The following OR9K2 variants were observed in gnomAD, a reference collection of about 807,000 sequenced individuals.
OR9K2 encodes olfactory receptor family 9 subfamily K member 2, also known as olfactory receptor 9K2.
OR9K2 carries 16 observed loss-of-function variants against 12.4 expected under a neutral mutation model. The observed-to-expected ratio is 1.29, with a 90% CI of 0.87 to 1.95. OR9K2 has a LOEUF of 1.95. Among genes scored for constraint, OR9K2 ranks in the 30% most tolerant of loss-of-function variants. The pLI is 0.00. For synonymous variants in OR9K2, 133 were observed against 133.2 expected, an observed-to-expected ratio of 1.00 and a Z score of 0.01; for missense variants, 434 against 376.5, an observed-to-expected ratio of 1.15 and a Z score of -1.26.
rs538175914 is a variant in OR9K2 at position 55,127,566 on chromosome 12, CTT to C, written c.-10+656_-10+657del. 1.7e-3 allele frequency among the ~76,000 whole-genome samples: 252 copies of C among 151,942 alleles called. 1 individual carries two copies. Among genetic ancestry groups the C allele is most frequent in the Admixed American group, 5.8e-3 (89 of 15,248 alleles). On this transcript the variant is annotated intron_variant, in intron 2 of 2. Coordinates refer to ENST00000641329, the MANE Select transcript of OR9K2 (RefSeq NM_001005243.2). ...TTTTATTTTCAACATTTAATACAGT[CTT>C]AAATAATGATAACATCTTATTCAGC...
In OR9K2 at chr12:55,127,118, A is replaced by G. The variant is rs1469285435; in HGVS notation, c.-10+207A>G. Reference sequence around the variant, plus strand: ...TTGTTTTTTTATATTCTCTGATTCCACATACTCATTATCATTCAGCTTTTT... The same window carrying G: ...TTGTTTTTTTATATTCTCTGATTCCGCATACTCATTATCATTCAGCTTTTT... On this transcript the variant is annotated intron_variant, in intron 2 of 2. Transcript: ENST00000641329. Among the ~76,000 whole-genome samples the G allele has an allele frequency of 2.0e-5, 3 of 151,972 alleles. No individual in the cohort carries two copies. The East Asian group carries it at 5.8e-4, about 29-fold the overall frequency.
intron 2 of OR9K2, among the ~76,000 whole-genome samples, chr12:55,129,519 A>G (rs183082383): frequency 2.7e-4 from 41 of 152,256 alleles, no homozygotes; most frequent in African/African-American, 9.4e-4. Context: ...TGTGTGAATC[A>G]TGAGTGGGAA....
rs561490783 is a variant in OR9K2, at chr12:55,132,200, C to A, written c.*1424C>A. ...TGCAAGGATGCCTTCTCTCACCACA[C>A]CTTTTCAATATTTTAATGGAAGTGC... On this transcript the variant is annotated 3_prime_UTR_variant, in exon 3 of 3. Transcript: ENST00000641329. The A allele has an allele frequency of 6.6e-6, 1 of 152,114 alleles. No homozygotes were observed. The highest frequency in any genetic ancestry group is 1.5e-5 in the Non-Finnish European group (1 of 68,026). 9.4% of individuals were successfully genotyped at this position (152,114 alleles called of 1,614,324 possible). A position where few individuals can be genotyped will look rare whatever the true frequency, so the allele number is the denominator to read the frequency against.
Position 55,130,077 on chromosome 12 carries a change from A to T in OR9K2, c.243A>T (p.Glu81Asp). The change falls in exon 3 of 3, where the codon GAA becomes GAT. Residue 81 changes from glutamate (E) to aspartate (D), a missense_variant. Glu to Asp is a conservative substitution (Grantham distance 45). Coordinates refer to ENST00000641329, the MANE Select transcript of OR9K2 (RefSeq NM_001005243.2). ...FIDLFYSSVI[E>D]PKAMINFWSE... ...ATCTTTTCTATTCATCTGTTATTGA[A>T]CCCAAGGCTATGATCAACTTCTGGT... 1 of 1,612,630 alleles carries T rather than the reference A, an allele frequency of 6.2e-7. No individual in the cohort carries two copies. Among genetic ancestry groups the T allele is most frequent in the Non-Finnish European group, 8.5e-7 (1 of 1,179,952 alleles).
chr12:55,129,699 G>A, intron 2 of OR9K2, 127 bp from the exon 3 acceptor site: 1 of 1,146,240 alleles, frequency 8.7e-7, no homozygotes, highest in Non-Finnish European at 1.2e-6. Context: ...TACTTATGAG[G>A]CAAAAATTAA....
intron 2 of OR9K2, among the ~76,000 whole-genome samples, chr12:55,128,732 G>A (rs971600064): frequency 1.3e-5 from 2 of 152,028 alleles, no homozygotes; most frequent in African/African-American, 2.4e-5. Context: ...GTTAACATAC[G>A]AAGTTAAAAA....
chr12:55,130,740 A>G lies in OR9K2; in HGVS notation c.906A>G (p.Leu302=). ...GGAACAAAGATGTCCAAGAGGCTCT[A>G]AAAAAATTTCTAGAGAAGAAAAATA... is the stretch of plus-strand genomic sequence containing the variant. ...SLRNKDVQEA[L]KKFLEKKNII... Residue 302 remains leucine (L), a synonymous_variant, in exon 3 of 3, where the codon CTA becomes CTG. Coordinates refer to ENST00000641329, the MANE Select transcript of OR9K2 (RefSeq NM_001005243.2). 1 of 1,574,134 alleles carries G rather than the reference A, an allele frequency of 6.4e-7. No individual in the cohort carries two copies.
chr12:55,129,510 G>A (rs1234502434), intron 2 of OR9K2, among the ~76,000 whole-genome samples: 1 of 152,064 alleles, frequency 6.6e-6, no homozygotes, highest in Non-Finnish European at 1.5e-5. Flanking sequence ...TGAAGTTATT[G>A]TGTGAATCAT....
Position 55,130,483 on chromosome 12 carries a change from A to G in OR9K2, c.649A>G (p.Ile217Val). The G allele has an allele frequency of 1.2e-6, 2 of 1,613,652 alleles. No homozygotes were observed. Among genetic ancestry groups the G allele is most frequent in the South Asian group, 2.2e-5 (2 of 91,062 alleles). ...CIIILPTIIV[I>V]IVSYMYIVST... ...TATTATCTTGCCTACTATCATAGTC[A>G]TTATAGTATCTTACATGTATATTGT... Residue 217 changes from isoleucine to valine, a missense_variant, in exon 3 of 3, where the codon ATT (isoleucine) becomes GTT (valine). Transcript: ENST00000641329.
rs532620304 is a variant in OR9K2, at chr12:55,129,775, G to A, written c.-9-51G>A. Reference sequence around the variant, plus strand: ...CCATAAGAGATTATTTGTAATGCTAGGATCCAAACCAAGAGTTCATTTGTA... The same window carrying A: ...CCATAAGAGATTATTTGTAATGCTAAGATCCAAACCAAGAGTTCATTTGTA... On this transcript the variant is annotated intron_variant, in intron 2 of 2. Coordinates refer to ENST00000641329, the MANE Select transcript of OR9K2 (RefSeq NM_001005243.2). The A allele has an allele frequency of 3.1e-6, 5 of 1,600,058 alleles. No homozygotes were observed. In the South Asian group the frequency reaches 4.4e-5, roughly 14 times the overall value.
chr12:55,130,498 A>G lies in OR9K2; in HGVS notation c.664A>G (p.Met222Val), dbSNP rs757825814. The change falls in exon 3 of 3, where the codon ATG becomes GTG. Residue 222 changes from methionine (M) to valine (V), a missense_variant. By Grantham distance (21) the Met-to-Val change is conservative. Transcript: ENST00000641329. Reference sequence around the variant, plus strand: ...TATCATAGTCATTATAGTATCTTACATGTATATTGTGTCCACAGTTCTAAA... The same window carrying G: ...TATCATAGTCATTATAGTATCTTACGTGTATATTGTGTCCACAGTTCTAAA... Reference protein sequence around the residue: ...PTIIVIIVSYMYIVSTVLKIH... With the variant: ...PTIIVIIVSYVYIVSTVLKIH... 12 of 1,613,684 alleles carry G rather than the reference A, an allele frequency of 7.4e-6. No individual in the cohort carries two copies. In the Admixed American group the frequency reaches 1.2e-4, roughly 16 times the overall value.
At chr12:55,129,406 C>A (rs1040593569) in intron 2 of OR9K2, among the ~76,000 whole-genome samples, 63 of 152,002 alleles carry the variant, frequency 4.1e-4, no homozygotes, top group Admixed American at 4.1e-3. Flanking sequence ...GCTACTAAAA[C>A]CCCAAATATC....
rs772585192 is a variant in OR9K2 at position 55,129,979 on chromosome 12, A to T, written c.145A>T (p.Met49Leu). The T allele has an allele frequency of 6.2e-7, 1 of 1,613,878 alleles. No individual in the cohort carries two copies. Among genetic ancestry groups the T allele is most frequent in the African/African-American group, 1.3e-5 (1 of 74,910 alleles). Residue 49 changes from methionine (M) to leucine (L), a missense_variant, in exon 3 of 3, where the codon ATG (methionine) becomes TTG (leucine). Met to Leu is a conservative substitution (Grantham distance 15). Coordinates refer to ENST00000641329, the MANE Select transcript of OR9K2 (RefSeq NM_001005243.2). ...AMILLGNVGM[M>L]TIIMTDPRLN... The stretch of plus-strand genomic sequence containing the variant: ...GATCCTTCTAGGGAATGTTGGGATG[A>T]TGACCATTATTATGACTGATCCTCG...
chr12:55,129,574 A>G (rs748160481), intron 2 of OR9K2: 11 of 556,116 alleles, frequency 2.0e-5, no homozygotes, highest in Admixed American at 6.6e-5. Flanking sequence ...GCATTTGGGT[A>G]GAAAGGCATT....
In OR9K2 at chr12:55,130,258, C is replaced by T. The variant is rs143111490; in HGVS notation, c.424C>T (p.Arg142Cys). Reference sequence around the variant, plus strand: ...GCTCTACTCTGTTCAAATGTCCACACGTCTGTGTACTCAGTTGGTGGCTGG... The same window carrying T: ...GCTCTACTCTGTTCAAATGTCCACATGTCTGTGTACTCAGTTGGTGGCTGG... ...PLLYSVQMST[R>C]LCTQLVAGSY... The change falls in exon 3 of 3, where the codon CGT (arginine) becomes TGT (cysteine). Residue 142 changes from arginine (R) to cysteine (C), a missense_variant. Physicochemically the swap from Arg to Cys is radical, Grantham distance 180. Transcript: ENST00000641329. The T allele has an allele frequency of 4.2e-5, 67 of 1,613,936 alleles. No homozygotes were observed. Among genetic ancestry groups the T allele is most frequent in the Middle Eastern group, 3.3e-4 (2 of 6,082 alleles).
Position 55,132,624 on chromosome 12 carries a change from A to AGT in OR9K2, c.*1854_*1855dup, listed in dbSNP as rs1327077663. On this transcript the variant is annotated 3_prime_UTR_variant, in exon 3 of 3. Coordinates refer to ENST00000641329, the MANE Select transcript of OR9K2 (RefSeq NM_001005243.2). ...ATTAATTTCTGTTGTTTAAGAACCC[A>AGT]GTGTGTGGTGTTTTGTTATGGGATC... 1 of 152,208 alleles carries AGT rather than the reference A, an allele frequency of 6.6e-6. No individual in the cohort carries two copies. The highest frequency in any genetic ancestry group is 2.4e-5 in the African/African-American group (1 of 41,460). The allele number at this position is 152,208 out of a possible 1,614,324, so 9.4% of individuals were successfully genotyped here. A position where few individuals can be genotyped will look rare whatever the true frequency, so the allele number is the denominator to read the frequency against.
rs140070869 is a variant in OR9K2 at position 55,130,350 on chromosome 12, C to T, written c.516C>T (p.Cys172=). The stretch of plus-strand genomic sequence containing the variant: ...GCATGACATTTACTTTATCTTTTTG[C>T]GCTTCTCGGGCTGTTGACCACTTTT... The part of the protein sequence containing the change: ...QTSMTFTLSF[C]ASRAVDHFYC... The change falls in exon 3 of 3, where the codon TGC becomes TGT. Residue 172 remains cysteine (C), a synonymous_variant. Transcript: ENST00000641329. 217 of 1,613,814 alleles carry T rather than the reference C, an allele frequency of 1.3e-4. No individual in the cohort carries two copies. Among genetic ancestry groups the T allele is most frequent in the South Asian group, 4.1e-4 (37 of 91,080 alleles).
intron 2 of OR9K2, among the ~76,000 whole-genome samples, chr12:55,128,601 T>C (rs186279284): frequency 3.0e-4 from 46 of 152,224 alleles, no homozygotes; most frequent in Admixed American, 1.0e-3. Flanking sequence ...TGAGCTACTA[T>C]GAAAGCATTT....
In OR9K2 at chr12:55,131,610, A is replaced by C. The variant is rs1406063611; in HGVS notation, c.*834A>C. The C allele has an allele frequency of 6.6e-6, 1 of 152,198 alleles. No individual in the cohort carries two copies. The highest frequency in any genetic ancestry group is 1.9e-4 in the East Asian group (1 of 5,200). 9.4% of individuals were successfully genotyped at this position (152,198 alleles called of 1,614,324 possible). On this transcript the variant is annotated 3_prime_UTR_variant, in exon 3 of 3. Coordinates refer to ENST00000641329, the MANE Select transcript of OR9K2 (RefSeq NM_001005243.2). ...GATTAATCTTATTGAATATCTGTAT[A>C]ATATGTTCTGGCCTTACAGTGGGCT... is the stretch of plus-strand genomic sequence containing the variant.
Sources: gnomAD v4.1 joint callset for allele counts (sites outside exome capture counted in the v4.1 genomes callset) on GRCh38, gnomAD v4.1.1 for gene constraint, MANE v1.5 for transcripts, NCBI Gene and HGNC (gene_info 2026-07-23, HGNC 2026-07-21) for gene names.